MMP26: variants seen among roughly 807,000 people sequenced by gnomAD.
MMP26 encodes the protein matrix metalloproteinase-26.
A neutral mutation model predicts 31.0 loss-of-function variants in MMP26; 33 were observed. The ratio of observed to expected loss-of-function variants is 1.06; its 90% confidence interval spans 0.81 to 1.42. The LOEUF (loss-of-function observed/expected upper bound fraction) is 1.42, where lower values mean the gene tolerates loss of function less well. MMP26 is among the 40% of genes most tolerant of loss of function. The pLI, the probability that MMP26 is intolerant of heterozygous loss-of-function variation, is 0.00. For missense variants in MMP26, 347 were observed against 316.1 expected, an observed-to-expected ratio of 1.10 and a Z score of -0.74; for synonymous variants, 122 against 114.9, an observed-to-expected ratio of 1.06 and a Z score of -0.40.
intron 2 of MMP26, among the ~76,000 whole-genome samples, chr11:4,911,652 T>C (rs1018786525): frequency 6.6e-6 from 1 of 152,186 alleles, no homozygotes; most frequent in African/African-American, 2.4e-5. Context: ...CCTCAAGTTT[T>C]ATTTTTCAAA....
chr11:4,740,465 C>T (rs1031631768), intron 1 of MMP26, among the ~76,000 whole-genome samples: 22 of 152,136 alleles, frequency 1.4e-4, no homozygotes, highest in African/African-American at 3.9e-4. Context: ...AGGCGGATCA[C>T]AAGGTCAGGA....
At chr11:4,802,640 TA>T in intron 2 of MMP26, among the ~76,000 whole-genome samples, 1 of 152,300 alleles carries the variant, frequency 6.6e-6, no homozygotes, top group Non-Finnish European at 1.5e-5. Flanking sequence ...ATAATTAAAT[TA>T]AATTTAAAAA....
At chr11:4,714,556 T>C (rs764908200) in intron 1 of MMP26, among the ~76,000 whole-genome samples, 1 of 152,190 alleles carries the variant, frequency 6.6e-6, no homozygotes, top group East Asian at 1.9e-4. Context: ...TGCAATGTTA[T>C]CTTGTTTAAT....
chr11:4,717,069 T>A (rs1170313491), intron 1 of MMP26, among the ~76,000 whole-genome samples: 3 of 152,182 alleles, frequency 2.0e-5, no homozygotes, highest in Non-Finnish European at 2.9e-5. Flanking sequence ...TAGAATTTCT[T>A]TCATGATGAT....
intron 2 of MMP26, among the ~76,000 whole-genome samples, chr11:4,881,648 A>G (rs996577073): frequency 1.3e-5 from 2 of 152,164 alleles, no homozygotes; most frequent in African/African-American, 2.4e-5. Context: ...CTCTCTGATC[A>G]TCTGAAGTTT....
intron 1 of MMP26, chr11:4,709,779 A>G (rs1199677638): frequency 4.4e-6 from 2 of 458,408 alleles, no homozygotes; most frequent in Non-Finnish European, 8.8e-6. Flanking sequence ...GCTATCCTTC[A>G]TGGACCTAGG....
At chr11:4,722,713 T>G (rs1254910800) in intron 1 of MMP26, 1 of 793,612 alleles carries the variant, frequency 1.3e-6, no homozygotes, top group Non-Finnish European at 2.2e-6. Context: ...AGGGGCAGGC[T>G]GGGAGGGGCT....
At chr11:4,944,025 T>A (rs1846256914) in intron 2 of MMP26, 9 of 427,738 alleles carry the variant, frequency 2.1e-5, no homozygotes, top group South Asian at 1.5e-4. Context: ...TGGGAGAATA[T>A]GAGCTTCTAT....
chr11:4,983,172 T>C lies in MMP26; in HGVS notation c.-144-4896T>C, dbSNP rs556344054. ...GTTTCAGGAGAGAAAATATACACTT[T>C]CTATGATGATCACTAAATGACTGTG... On this transcript the variant is annotated intron_variant, in intron 2 of 7. Coordinates refer to ENST00000380390, the MANE Select transcript of MMP26 (RefSeq NM_021801.5). Among the ~76,000 whole-genome samples, 17 of 152,304 alleles carry C rather than the reference T, an allele frequency of 1.1e-4. 1 individual carries two copies. The South Asian group carries it at 3.1e-3, about 28-fold the overall frequency.
chr11:4,732,541 CAAAAAAAAAA>C (rs56079183), intron 1 of MMP26, among the ~76,000 whole-genome samples: 1 of 94,670 alleles, frequency 1.1e-5, no homozygotes. Flanking sequence ...AGACTCGTCT[CAAAAAAAAAA>C]AAAAAAAAAA....
chr11:4,911,402 A>G (rs1048831877), intron 2 of MMP26, among the ~76,000 whole-genome samples: 4 of 152,180 alleles, frequency 2.6e-5, no homozygotes, highest in African/African-American at 9.7e-5. Context: ...AGGGTGGGAA[A>G]TGTGTCTTGT....
At chr11:4,742,888 A>T (rs535903543) in intron 1 of MMP26, among the ~76,000 whole-genome samples, 81 of 152,182 alleles carry the variant, frequency 5.3e-4, no homozygotes, top group Non-Finnish European at 1.1e-3. Context: ...TTTAAAATTC[A>T]TATACTTATA....
intron 2 of MMP26, among the ~76,000 whole-genome samples, chr11:4,924,525 CT>C (rs1275752872): frequency 1.3e-5 from 2 of 152,108 alleles, no homozygotes; most frequent in Non-Finnish European, 2.9e-5. Flanking sequence ...AGGAAGGAGA[CT>C]TTTGATGGAT....
intron 2 of MMP26, among the ~76,000 whole-genome samples, chr11:4,852,333 A>G (rs1242912834): frequency 1.3e-5 from 2 of 152,178 alleles, no homozygotes; most frequent in East Asian, 3.8e-4. Flanking sequence ...ATCTTTTGAA[A>G]AACACCATGA....
At chr11:4,983,273 C>A (rs1162555342) in intron 2 of MMP26, among the ~76,000 whole-genome samples, 1 of 152,196 alleles carries the variant, frequency 6.6e-6, no homozygotes, top group Non-Finnish European at 1.5e-5. Flanking sequence ...TCATTACCCT[C>A]TATGCTCTCT....
At chr11:4,790,179 A>G (rs879536429) in intron 2 of MMP26, among the ~76,000 whole-genome samples, 5 of 152,028 alleles carry the variant, frequency 3.3e-5, no homozygotes, top group Admixed American at 3.3e-4. Flanking sequence ...GTCTCTACTA[A>G]AAATACAAAA....
intron 2 of MMP26, among the ~76,000 whole-genome samples, chr11:4,776,560 G>C (rs1045702115): frequency 2.0e-5 from 3 of 152,056 alleles, no homozygotes; most frequent in African/African-American, 7.2e-5. Context: ...GTTTGGCTCT[G>C]TGCCCCCTAC....
intron 1 of MMP26, among the ~76,000 whole-genome samples, chr11:4,744,834 T>A (rs543403450): frequency 6.6e-6 from 1 of 152,138 alleles, no homozygotes; most frequent in African/African-American, 2.4e-5. Flanking sequence ...TACATATACA[T>A]TGTGAAATGA....
chr11:4,815,981 C>A (rs1410500656), intron 2 of MMP26, among the ~76,000 whole-genome samples: 1 of 152,180 alleles, frequency 6.6e-6, no homozygotes, highest in African/African-American at 2.4e-5. Context: ...AATTTGAGAT[C>A]TTTCTACTCT....
Sources: gnomAD v4.1 joint callset for allele counts (sites outside exome capture counted in the v4.1 genomes callset) on GRCh38, gnomAD v4.1.1 for gene constraint, MANE v1.5 for transcripts, NCBI Gene and HGNC (gene_info 2026-07-23, HGNC 2026-07-21) for gene names.